Variants in TMEM198 observed in about 807,000 individuals in gnomAD.
TMEM198 encodes transmembrane protein 198.
Under a neutral mutation model 31.5 loss-of-function variants are expected in TMEM198, and 21 were observed. The ratio of observed to expected loss-of-function variants is 0.67; its 90% CI spans 0.47 to 0.96. TMEM198 has a LOEUF of 0.96. Ranked by LOEUF, TMEM198 falls within the 40% of genes least tolerant of loss-of-function variation. The pLI is 0.00. For missense variants in TMEM198, 447 were observed against 499.4 expected, an observed-to-expected ratio of 0.89 and a Z score of 1.00; for synonymous variants, 211 against 223.3, an observed-to-expected ratio of 0.95 and a Z score of 0.49.
At chr2:219,549,393 A>C in intron 4 of TMEM198, 39 bp downstream of exon 4, 1 of 1,588,902 alleles carries the variant, frequency 6.3e-7, no homozygotes, top group East Asian at 2.3e-5. Context: ...ATGAGAAGGA[A>C]GTGTGGAAAC....
chr2:219,548,849 G>A (rs1442953701), intron 3 of TMEM198, among the ~76,000 whole-genome samples: 1 of 152,280 alleles, frequency 6.6e-6, no homozygotes, highest in Non-Finnish European at 1.5e-5. Context: ...AGAAGCAGCT[G>A]TGATTGTCCA....
In TMEM198 at chr2:219,550,297, C is replaced by T. The variant is rs1695533995; in HGVS notation, c.*443C>T. On this transcript the variant is annotated 3_prime_UTR_variant, in exon 5 of 5. Coordinates refer to ENST00000373883, the MANE Select transcript of TMEM198 (RefSeq NM_001005209.3). Reference sequence around the variant, plus strand: ...GGCTACCTTCCTTCCCATCGCCCTGCCTCGCAGCCAGACTCATCTAAGGGT... The same window carrying T: ...GGCTACCTTCCTTCCCATCGCCCTGTCTCGCAGCCAGACTCATCTAAGGGT... The T allele has an allele frequency of 1.1e-5, 2 of 184,192 alleles. No homozygotes were observed. Among genetic ancestry groups the T allele is most frequent in the South Asian group, 2.8e-4 (2 of 7,032 alleles). 11.4% of individuals were successfully genotyped at this position (184,192 alleles called of 1,614,324 possible).
Position 219,547,967 on chromosome 2 carries a change from G to C in TMEM198, c.628G>C (p.Val210Leu), listed in dbSNP as rs1194793295. The change falls in exon 3 of 5, where the codon GTG (valine) becomes CTG (leucine). Residue 210 changes from valine to leucine, a missense_variant. By Grantham distance (32) the Val-to-Leu change is conservative (BLOSUM62 1). Transcript: ENST00000373883. ...GGTGGAGCGACTCCGGGCTGCTCCT[G>C]TGCCCCCACTCTGCTGGCGAAGCTG... ...YVVERLRAAP[V>L]PPLCWRSWAL... 6.3e-7 allele frequency: 1 copy of C among 1,589,154 alleles called. No individual in the cohort carries two copies. The highest frequency in any genetic ancestry group is 8.5e-7 in the Non-Finnish European group (1 of 1,172,954).
rs1426013480 is a variant in TMEM198, at chr2:219,544,047, G to GCTGT, written c.-368_-365dup. On this transcript the variant is annotated 5_prime_UTR_variant, in exon 1 of 5. Coordinates refer to ENST00000373883, the MANE Select transcript of TMEM198 (RefSeq NM_001005209.3). Reference sequence around the variant, plus strand: ...AGTGACGTCAGGAGCAGAGGCCGGAGCTGTCCATCAGCACCAAAGGCCGCG... The same window carrying GCTGT: ...AGTGACGTCAGGAGCAGAGGCCGGAGCTGTCTGTCCATCAGCACCAAAGGCCGCG... 3 of 381,950 alleles carry GCTGT rather than the reference G, an allele frequency of 7.9e-6. No homozygotes were observed. The highest frequency in any genetic ancestry group is 3.2e-5 in the Admixed American group (1 of 31,544). The allele number at this position is 381,950 out of a possible 1,614,324, so 23.7% of individuals were successfully genotyped here. A position where few individuals can be genotyped will look rare whatever the true frequency, so the allele number is the denominator to read the frequency against.
intron 3 of TMEM198, among the ~76,000 whole-genome samples, chr2:219,548,662 G>GT (rs1347087248): frequency 6.6e-6 from 1 of 152,188 alleles, no homozygotes; most frequent in Non-Finnish European, 1.5e-5. Flanking sequence ...GAGTGATTGC[G>GT]TGGACCCTCT....
At position 219,549,941 on chromosome 2, in the gene TMEM198, G is replaced by A; in HGVS notation, c.*87G>A. 1 of 1,541,042 alleles carries A rather than the reference G, an allele frequency of 6.5e-7. No individual in the cohort carries two copies. Among genetic ancestry groups the A allele is most frequent in the Non-Finnish European group, 8.8e-7 (1 of 1,133,834 alleles). On this transcript the variant is annotated 3_prime_UTR_variant, in exon 5 of 5. Coordinates refer to ENST00000373883, the MANE Select transcript of TMEM198 (RefSeq NM_001005209.3). ...GCTGCCACTCAGCCTCCTGGCTTTGGCTGTCCCTCTCCCCAGCCTGGAGAG... is the reference window on the plus strand; with the variant it reads ...GCTGCCACTCAGCCTCCTGGCTTTGACTGTCCCTCTCCCCAGCCTGGAGAG...
chr2:219,550,005 G>T lies in TMEM198; in HGVS notation c.*151G>T. Reference sequence around the variant, plus strand: ...ACTAGAAGGGAGGATTGTCTCAGGCGAGTCTTGGCCTGAGAGGAAAGCCCC... The same window carrying T: ...ACTAGAAGGGAGGATTGTCTCAGGCTAGTCTTGGCCTGAGAGGAAAGCCCC... On this transcript the variant is annotated 3_prime_UTR_variant, in exon 5 of 5. Coordinates refer to ENST00000373883, the MANE Select transcript of TMEM198 (RefSeq NM_001005209.3). 1 of 1,100,710 alleles carries T rather than the reference G, an allele frequency of 9.1e-7. No homozygotes were observed. The highest frequency in any genetic ancestry group is 1.3e-6 in the Non-Finnish European group (1 of 787,336). 68.2% of individuals were successfully genotyped at this position (1,100,710 alleles called of 1,614,324 possible). A position where few individuals can be genotyped will look rare whatever the true frequency, so the allele number is the denominator to read the frequency against.
intron 2 of TMEM198, among the ~76,000 whole-genome samples, chr2:219,545,390 T>G (rs1039352710): frequency 2.0e-5 from 3 of 152,056 alleles, no homozygotes; most frequent in Admixed American, 6.5e-5. Flanking sequence ...GTGGGCTGGA[T>G]GGTGGTCACA....
At chr2:219,545,493 G>C (rs981094523) in intron 2 of TMEM198, among the ~76,000 whole-genome samples, 1 of 152,252 alleles carries the variant, frequency 6.6e-6, no homozygotes, top group African/African-American at 2.4e-5. Flanking sequence ...GCTCAGCTGA[G>C]TGGGCAAGTG....
intron 3 of TMEM198, among the ~76,000 whole-genome samples, chr2:219,548,423 T>C (rs1185962670): frequency 3.3e-5 from 5 of 152,096 alleles, no homozygotes; most frequent in African/African-American, 1.2e-4. Flanking sequence ...GACAGAGACA[T>C]TGTGCAGGAT....
At chr2:219,548,331 C>T (rs1404807333) in intron 3 of TMEM198, among the ~76,000 whole-genome samples, 1 of 152,252 alleles carries the variant, frequency 6.6e-6, no homozygotes, top group East Asian at 1.9e-4. Flanking sequence ...AGACAAGGTT[C>T]CTGTCCTTAT....
Position 219,545,756 on chromosome 2 carries a change from C to A in TMEM198, c.166+863C>A, listed in dbSNP as rs1035509401. ...TGTAGGTGAGTGGGACCAGTGGGGG[C>A]AAATGAGTCTTGGGGGCTGGGGTTC... On this transcript the variant is annotated intron_variant, in intron 2 of 4. Transcript: ENST00000373883. Among the ~76,000 whole-genome samples the A allele has an allele frequency of 4.6e-5, 7 of 151,886 alleles. No individual in the cohort carries two copies. In the South Asian group the frequency reaches 1.5e-3, roughly 32 times the overall value.
At chr2:219,549,414 C>G (rs915178038) in intron 4 of TMEM198, 60 bp downstream of exon 4, 1 of 1,551,480 alleles carries the variant, frequency 6.4e-7, no homozygotes, top group African/African-American at 1.4e-5. Context: ...TCTTTCCAAA[C>G]AGGACTGGGC....
Position 219,548,095 on chromosome 2 carries a change from G to A in TMEM198, c.742+14G>A. 1.3e-6 allele frequency: 2 copies of A among 1,519,272 alleles called. No individual in the cohort carries two copies. The highest frequency in any genetic ancestry group is 1.8e-6 in the Non-Finnish European group (2 of 1,133,534). The allele number at this position is 1,519,272 out of a possible 1,614,324, so 94.1% of individuals were successfully genotyped here. On this transcript the variant is annotated intron_variant, in intron 3 of 4. Coordinates refer to ENST00000373883, the MANE Select transcript of TMEM198 (RefSeq NM_001005209.3). ...CCCACACGGAAGGTAAGGGGGCACA[G>A]GCCAAGGTGGACATGAGAGGAGTGG...
At position 219,544,691 on chromosome 2, in the gene TMEM198, T is replaced by A. The variant is rs766976803; in HGVS notation, c.-37T>A. 1 of 1,600,948 alleles carries A rather than the reference T, an allele frequency of 6.2e-7. No homozygotes were observed. The highest frequency in any genetic ancestry group is 8.5e-7 in the Non-Finnish European group (1 of 1,171,338). Reference sequence around the variant, plus strand: ...GACCCCAACTTTCCCTCTGTCAGGTTAACTTGGGAGGGTGACTCCCTTCTA... The same window carrying A: ...GACCCCAACTTTCCCTCTGTCAGGTAAACTTGGGAGGGTGACTCCCTTCTA... On this transcript the variant is annotated splice_region_variant and 5_prime_UTR_variant, in exon 2 of 5. Coordinates refer to ENST00000373883, the MANE Select transcript of TMEM198 (RefSeq NM_001005209.3).
In TMEM198 at chr2:219,544,721, C is replaced by A; in HGVS notation, c.-7C>A. ...TGGGAGGGTGACTCCCTTCTATTCC[C>A]AGCACTATGCCGGGGACTGTGGCAA... On this transcript the variant is annotated 5_prime_UTR_variant, in exon 2 of 5. Coordinates refer to ENST00000373883, the MANE Select transcript of TMEM198 (RefSeq NM_001005209.3). 1 of 1,613,032 alleles carries A rather than the reference C, an allele frequency of 6.2e-7. No individual in the cohort carries two copies.
At chr2:219,545,832 A>G (rs1695377335) in intron 2 of TMEM198, among the ~76,000 whole-genome samples, 1 of 152,062 alleles carries the variant, frequency 6.6e-6, no homozygotes, top group Admixed American at 6.6e-5. Flanking sequence ...CTCCCCCTGC[A>G]ATGGGTGGGT....
rs397987890 is a variant in TMEM198, at chr2:219,546,778, C to CTTTTTTTTTTTTTTTT, written c.167-726_167-711dup. 3.1e-5 allele frequency among the ~76,000 whole-genome samples: 4 copies of CTTTTTTTTTTTTTTTT among 127,252 alleles called. 1 individual carries two copies. Among genetic ancestry groups the CTTTTTTTTTTTTTTTT allele is most frequent in the African/African-American group, 1.2e-4 (4 of 32,670 alleles). The allele number at this position is 127,252 out of a possible 152,430, so 83.5% of individuals were successfully genotyped here. On this transcript the variant is annotated intron_variant, in intron 2 of 4. Transcript: ENST00000373883. ...TGTGTGACCCTCACCTCTCAAGTTTCTTTTTTTTTTTTTTTTTGAGACAAG... is the reference window on the plus strand; with the variant it reads ...TGTGTGACCCTCACCTCTCAAGTTTCTTTTTTTTTTTTTTTTTTTTTTTTTTTTTTTTTGAGACAAG...
chr2:219,548,337 C>T (rs780369128), intron 3 of TMEM198, among the ~76,000 whole-genome samples: 14 of 152,208 alleles, frequency 9.2e-5, no homozygotes, highest in South Asian at 2.1e-4. Flanking sequence ...GGTTCCTGTC[C>T]TTATGGATTC....
Sources: gnomAD v4.1 joint callset for allele counts (sites outside exome capture counted in the v4.1 genomes callset) on GRCh38, gnomAD v4.1.1 for gene constraint, MANE v1.5 for transcripts, NCBI Gene and HGNC (gene_info 2026-07-23, HGNC 2026-07-21) for gene names.